The following COL26A1 variants were observed in gnomAD, a reference collection of about 807,000 sequenced individuals.
COL26A1 encodes the protein collagen alpha-1(XXVI) chain.
In COL26A1, 41 loss-of-function variants were observed where a neutral mutation model predicts 59.3. The ratio of observed to expected loss-of-function variants is 0.69; its 90% CI spans 0.54 to 0.90. The LOEUF is 0.90. Among genes scored for constraint, COL26A1 ranks in the 40% least tolerant of loss-of-function variants. COL26A1 has a pLI of 0.00. For synonymous variants in COL26A1, 266 were observed against 256.0 expected (o/e 1.04, Z -0.37); for missense variants, 612 against 602.3 (o/e 1.02, Z -0.17).
intron 3 of COL26A1, among the ~76,000 whole-genome samples, chr7:101,519,923 GC>G (rs1166477248): frequency 6.6e-6 from 1 of 152,064 alleles, no homozygotes; most frequent in Non-Finnish European, 1.5e-5. Context: ...AGCATCCCAG[GC>G]CCTCCAGTCC....
chr7:101,533,165 G>A (rs757590996), intron 4 of COL26A1, 22 bp downstream of exon 4: 6 of 1,579,910 alleles, frequency 3.8e-6, no homozygotes, highest in Non-Finnish European at 4.3e-6. Flanking sequence ...TGGGGAGTCT[G>A]GGCCTGGGGA....
At chr7:101,363,780 G>A (rs1790971247) in intron 1 of COL26A1, among the ~76,000 whole-genome samples, 1 of 152,200 alleles carries the variant, frequency 6.6e-6, no homozygotes, top group African/African-American at 2.4e-5. Flanking sequence ...GGCTGGGGCT[G>A]GGGCTCTGCC....
At chr7:101,499,177 G>C (rs989904599) in intron 3 of COL26A1, among the ~76,000 whole-genome samples, 8 of 152,152 alleles carry the variant, frequency 5.3e-5, no homozygotes, top group African/African-American at 1.7e-4. Flanking sequence ...CCTGGGGACT[G>C]TGTGTCCACA....
At chr7:101,448,238 G>A (rs969521933) in intron 3 of COL26A1, among the ~76,000 whole-genome samples, 8 of 152,210 alleles carry the variant, frequency 5.3e-5, no homozygotes, top group African/African-American at 1.7e-4. Context: ...GCAGATAGAC[G>A]TTCACCCAGC....
intron 5 of COL26A1, among the ~76,000 whole-genome samples, chr7:101,542,717 C>T (rs914268484): frequency 2.0e-5 from 3 of 152,150 alleles, no homozygotes; most frequent in African/African-American, 7.2e-5. Flanking sequence ...ATCCTGCATT[C>T]TTGGAAAGGG....
At position 101,555,665 on chromosome 7, in the gene COL26A1, G is replaced by A. The variant is rs1451451500; in HGVS notation, c.1081-122G>A. ...TCTATGCTTATTTGCAGTGGTGAGG[G>A]TGTCGGGTGGGAAGAGGCAGGGGTG... is the stretch of plus-strand genomic sequence containing the variant. On this transcript the variant is annotated intron_variant, in intron 11 of 12. Coordinates refer to ENST00000313669, the MANE Select transcript of COL26A1 (RefSeq NM_001278563.3). 3 of 633,218 alleles carry A rather than the reference G, an allele frequency of 4.7e-6. No individual in the cohort carries two copies. The African/African-American group carries it at 5.4e-5, about 11-fold the overall frequency. 39.2% of individuals were successfully genotyped at this position (633,218 alleles called of 1,614,324 possible). A position where few individuals can be genotyped will look rare whatever the true frequency, so the allele number is the denominator to read the frequency against.
chr7:101,425,663 AT>A (rs34087485), intron 2 of COL26A1, among the ~76,000 whole-genome samples: 1 of 149,652 alleles, frequency 6.7e-6, no homozygotes, highest in African/African-American at 2.5e-5. Context: ...CACCTGGCTA[AT>A]TTTTTTTTCT....
intron 3 of COL26A1, among the ~76,000 whole-genome samples, chr7:101,531,548 T>C (rs533083056): frequency 2.5e-4 from 38 of 152,258 alleles, no homozygotes; most frequent in African/African-American, 8.9e-4. Context: ...TATAAATCAC[T>C]GATTTGGGCC....
chr7:101,555,756 G>A (rs1275997888), intron 11 of COL26A1, 31 bp from the exon 12 acceptor site: 4 of 1,572,768 alleles, frequency 2.5e-6, no homozygotes, highest in Non-Finnish European at 3.5e-6. Flanking sequence ...CTCATGGCCG[G>A]CCCTGACCCT....
chr7:101,545,672 A>T (rs1053678713), intron 7 of COL26A1, among the ~76,000 whole-genome samples, 182 bp downstream of exon 7: 7 of 152,192 alleles, frequency 4.6e-5, no homozygotes, highest in African/African-American at 1.7e-4. Context: ...AGGGCCTGCC[A>T]GTGACGATGA....
rs967073302 is a variant in COL26A1 at position 101,385,378 on chromosome 7, T to C, written c.158+22188T>C. ...GTATATATATGTGTGTATATATATATATATATATTTGTGACGGAGTCTCAC... is the reference window on the plus strand; with the variant it reads ...GTATATATATGTGTGTATATATATACATATATATTTGTGACGGAGTCTCAC... On this transcript the variant is annotated intron_variant, in intron 1 of 12. Transcript: ENST00000313669. Among the ~76,000 whole-genome samples, 14 of 149,426 alleles carry C rather than the reference T, an allele frequency of 9.4e-5. 1 individual carries two copies. Among genetic ancestry groups the C allele is most frequent in the Non-Finnish European group, 2.1e-4 (14 of 67,322 alleles).
At chr7:101,398,552 G>A (rs925993669) in intron 1 of COL26A1, among the ~76,000 whole-genome samples, 3 of 152,160 alleles carry the variant, frequency 2.0e-5, no homozygotes, top group African/African-American at 4.8e-5. Flanking sequence ...CCTCTAAGAT[G>A]TCATAGGTCT....
intron 11 of COL26A1, among the ~76,000 whole-genome samples, chr7:101,555,119 G>A (rs1460675412): frequency 6.6e-6 from 1 of 152,152 alleles, no homozygotes. Flanking sequence ...ACTTTTCAGA[G>A]TGGCCTCGAC....
At chr7:101,434,856 A>G (rs549437617) in intron 2 of COL26A1, among the ~76,000 whole-genome samples, 15 of 152,112 alleles carry the variant, frequency 9.9e-5, no homozygotes, top group African/African-American at 3.6e-4. Flanking sequence ...TAGTGTGTAG[A>G]GAGAACACGA....
At chr7:101,377,122 G>A (rs370290115) in intron 1 of COL26A1, among the ~76,000 whole-genome samples, 15 of 152,288 alleles carry the variant, frequency 9.8e-5, no homozygotes, top group African/African-American at 3.6e-4. Context: ...GCCTCGCAAA[G>A]TGCTGGGATT....
intron 1 of COL26A1, among the ~76,000 whole-genome samples, chr7:101,376,890 G>A (rs1330610296): frequency 6.6e-6 from 1 of 151,950 alleles, no homozygotes; most frequent in Non-Finnish European, 1.5e-5. Flanking sequence ...GCAGAGTCTG[G>A]CTCTGTCACC....
At chr7:101,417,061 T>C (rs142519882) in intron 1 of COL26A1, among the ~76,000 whole-genome samples, 45 of 152,314 alleles carry the variant, frequency 3.0e-4, no homozygotes, top group African/African-American at 1.0e-3. Context: ...TAGTGAGTGA[T>C]ACATTGTCTT....
chr7:101,448,746 C>G (rs1793260504), intron 3 of COL26A1, among the ~76,000 whole-genome samples: 2 of 152,170 alleles, frequency 1.3e-5, no homozygotes, highest in African/African-American at 4.8e-5. Flanking sequence ...CCCACCTTAG[C>G]CTCCCAAAGT....
In COL26A1 at chr7:101,362,987, G is replaced by A. The variant is rs1033367272; in HGVS notation, c.-46G>A. 2.0e-6 allele frequency: 3 copies of A among 1,535,978 alleles called. No homozygotes were observed. Among genetic ancestry groups the A allele is most frequent in the East Asian group, 2.5e-5 (1 of 39,636 alleles). On this transcript the variant is annotated 5_prime_UTR_variant, in exon 1 of 13. Coordinates refer to ENST00000313669, the MANE Select transcript of COL26A1 (RefSeq NM_001278563.3). ...GTCCGGGCGCCGGTGCGCTCCTGCC[G>A]GTCCTCGTGCCCGGGACTCCGGGTC...
Sources: gnomAD v4.1 joint callset for allele counts (sites outside exome capture counted in the v4.1 genomes callset) on GRCh38, gnomAD v4.1.1 for gene constraint, MANE v1.5 for transcripts, NCBI Gene and HGNC (gene_info 2026-07-23, HGNC 2026-07-21) for gene names.